The following KIAA1549L variants were observed in gnomAD, a reference collection of about 807,000 sequenced individuals.
The protein encoded by KIAA1549L is KIAA1549 like.
A neutral mutation model predicts 160.7 loss-of-function variants in KIAA1549L; 88 were observed. The observed-to-expected ratio is 0.55, with a 90% CI of 0.46 to 0.65. The LOEUF is 0.65. KIAA1549L is among the 30% of genes least tolerant of loss of function. KIAA1549L has a pLI of 0.00. For missense variants in KIAA1549L, 2,258 were observed against 2,437.5 expected (o/e 0.93, Z 1.55); for synonymous variants, 950 against 976.7 (o/e 0.97, Z 0.51).
chr11:33,466,241 C>T (rs1852055440), intron 1 of KIAA1549L, among the ~76,000 whole-genome samples: 1 of 152,114 alleles, frequency 6.6e-6, no homozygotes, highest in Non-Finnish European at 1.5e-5. Flanking sequence ...GGGCTCATAT[C>T]CAGAATCTAC....
intron 1 of KIAA1549L, among the ~76,000 whole-genome samples, chr11:33,478,452 A>C (rs1043272285): frequency 2.0e-5 from 3 of 152,206 alleles, no homozygotes; most frequent in African/African-American, 7.2e-5. Flanking sequence ...AGCTCTGCAG[A>C]GCTGTTATAA....
At chr11:33,654,318 C>T (rs992527948) in intron 17 of KIAA1549L, among the ~76,000 whole-genome samples, 1 of 152,124 alleles carries the variant, frequency 6.6e-6, no homozygotes, top group African/African-American at 2.4e-5. Flanking sequence ...TATTTTTTGT[C>T]TTGTGTCTGG....
intron 1 of KIAA1549L, among the ~76,000 whole-genome samples, chr11:33,538,799 T>C (rs1166374498): frequency 1.3e-5 from 2 of 152,160 alleles, no homozygotes; most frequent in Non-Finnish European, 1.5e-5. Context: ...TATGAACTAT[T>C]CTTCTAGTTA....
intron 16 of KIAA1549L, among the ~76,000 whole-genome samples, chr11:33,644,758 G>A (rs554187811): frequency 1.2e-4 from 18 of 152,368 alleles, no homozygotes; most frequent in African/African-American, 3.1e-4. Flanking sequence ...TCCGCCACAA[G>A]GCAGCAGCCT....
rs1163336071 is a variant in KIAA1549L, at chr11:33,673,079, G to C, written c.*4925G>C. 2 of 152,170 alleles carry C rather than the reference G, an allele frequency of 1.3e-5. No homozygotes were observed. The highest frequency in any genetic ancestry group is 1.3e-4 in the Admixed American group (2 of 15,280). The allele number at this position is 152,170 out of a possible 1,614,324, so 9.4% of individuals were successfully genotyped here. A position where few individuals can be genotyped will look rare whatever the true frequency, so the allele number is the denominator to read the frequency against. On this transcript the variant is annotated 3_prime_UTR_variant, in exon 21 of 21. Coordinates refer to ENST00000658780, the MANE Select transcript of KIAA1549L (RefSeq NM_012194.3). Reference sequence around the variant, plus strand: ...AACTGTTACAGAATCCTAGCCTGTGGTAAATGCTAAAATGTAAGGTGTTTC... The same window carrying C: ...AACTGTTACAGAATCCTAGCCTGTGCTAAATGCTAAAATGTAAGGTGTTTC...
intron 5 of KIAA1549L, 22 bp from the exon 6 acceptor site, chr11:33,552,086 T>C (rs745496285): frequency 1.9e-6 from 3 of 1,613,364 alleles, no homozygotes; most frequent in East Asian, 4.5e-5. Context: ...TAGTGAGCAC[T>C]GATTGACTTC....
rs750316146 is a variant in KIAA1549L, at chr11:33,668,155, C to T, written c.*1C>T. On this transcript the variant is annotated 3_prime_UTR_variant, in exon 21 of 21. Transcript: ENST00000658780. ...AGACATGTTTGAGTTCCAGGTCTAA[C>T]GCCTTAGCCCCGTGGGACTCTGGAC... The T allele has an allele frequency of 3.3e-5, 53 of 1,611,182 alleles. No homozygotes were observed. Among genetic ancestry groups the T allele is most frequent in the South Asian group, 1.3e-4 (12 of 90,506 alleles).
At chr11:33,457,562 G>A (rs1033760689) in intron 1 of KIAA1549L, among the ~76,000 whole-genome samples, 1 of 152,150 alleles carries the variant, frequency 6.6e-6, no homozygotes, top group African/African-American at 2.4e-5. Flanking sequence ...ATGTGGCCAC[G>A]GCCCACAAGT....
Position 33,674,042 on chromosome 11 carries a change from T to C in KIAA1549L, c.*5888T>C, listed in dbSNP as rs549610006. On this transcript the variant is annotated 3_prime_UTR_variant, in exon 21 of 21. Transcript: ENST00000658780. ...TTAGCCTCTGCCGGGAACAGAGTGT[T>C]CATATGCTGTTAGAATTTTTTATTG... 6.6e-6 allele frequency: 1 copy of C among 152,346 alleles called. No individual in the cohort carries two copies. The highest frequency in any genetic ancestry group is 2.1e-4 in the South Asian group (1 of 4,830). 9.4% of individuals were successfully genotyped at this position (152,346 alleles called of 1,614,324 possible). A position where few individuals can be genotyped will look rare whatever the true frequency, so the allele number is the denominator to read the frequency against.
intron 1 of KIAA1549L, among the ~76,000 whole-genome samples, chr11:33,408,487 G>GTA (rs1168884067): frequency 9.3e-6 from 1 of 107,086 alleles, no homozygotes; most frequent in Non-Finnish European, 1.8e-5. Flanking sequence ...CTCTGTATAT[G>GTA]TGTATATATA....
At chr11:33,560,617 C>T (rs1474388954) in intron 7 of KIAA1549L, among the ~76,000 whole-genome samples, 1 of 152,178 alleles carries the variant, frequency 6.6e-6, no homozygotes, top group African/African-American at 2.4e-5. Flanking sequence ...CAGCAGGTTA[C>T]ATTTTGTATC....
intron 1 of KIAA1549L, among the ~76,000 whole-genome samples, chr11:33,536,555 A>C (rs1020946609): frequency 6.6e-6 from 1 of 152,194 alleles, no homozygotes; most frequent in Non-Finnish European, 1.5e-5. Context: ...ACCAAGCTAA[A>C]GTGGCTTGGC....
At chr11:33,566,859 T>TA (rs1262726386) in intron 8 of KIAA1549L, among the ~76,000 whole-genome samples, 1 of 152,226 alleles carries the variant, frequency 6.6e-6, no homozygotes, top group Non-Finnish European at 1.5e-5. Flanking sequence ...CAAACTCTAT[T>TA]AATAATGGAA....
rs1554981526 is a variant in KIAA1549L, at chr11:33,477,520, A to ACACAC, written c.239-64282_239-64281insCACAC. Among the ~76,000 whole-genome samples, 1,261 of 146,988 alleles carry ACACAC rather than the reference A, an allele frequency of 8.6e-3. 26 individuals are homozygous for ACACAC. The highest frequency in any genetic ancestry group is 0.03 in the African/African-American group (1,199 of 40,070). The stretch of plus-strand genomic sequence containing the variant: ...ACGCAGGTGCACGCACACACACACA[A>ACACAC]ACACACACACACACACACACACGAC... On this transcript the variant is annotated intron_variant, in intron 1 of 20. Coordinates refer to ENST00000658780, the MANE Select transcript of KIAA1549L (RefSeq NM_012194.3).
intron 15 of KIAA1549L, among the ~76,000 whole-genome samples, chr11:33,615,605 G>A (rs1850787576): frequency 6.6e-6 from 1 of 152,090 alleles, no homozygotes; most frequent in Non-Finnish European, 1.5e-5. Context: ...ATGTTAAACA[G>A]CAGCCTTTAA....
At chr11:33,667,637 G>A (rs781177122) in intron 20 of KIAA1549L, among the ~76,000 whole-genome samples, 10 of 152,100 alleles carry the variant, frequency 6.6e-5, no homozygotes, top group Non-Finnish European at 1.3e-4. Context: ...CTCATGAGCC[G>A]TCCACCTCGG....
At chr11:33,446,922 T>C (rs187548794) in intron 1 of KIAA1549L, among the ~76,000 whole-genome samples, 11 of 152,268 alleles carry the variant, frequency 7.2e-5, no homozygotes, top group Admixed American at 6.5e-4. Flanking sequence ...AGCTCAGCCC[T>C]CTTTCAATAG....
At chr11:33,615,009 T>G (rs1216237890) in intron 15 of KIAA1549L, among the ~76,000 whole-genome samples, 1 of 152,090 alleles carries the variant, frequency 6.6e-6, no homozygotes, top group Non-Finnish European at 1.5e-5. Context: ...TCCCACACTT[T>G]TCCAGTGGGC....
At chr11:33,550,046 A>C (rs1040704241) in intron 4 of KIAA1549L, among the ~76,000 whole-genome samples, 19 of 151,908 alleles carry the variant, frequency 1.3e-4, no homozygotes, top group Non-Finnish European at 2.1e-4. Context: ...AAGAAACAAA[A>C]AAAAAAAACA....
Sources: allele counts gnomAD v4.1 joint callset (sites outside exome capture counted in the v4.1 genomes callset), GRCh38; gene constraint gnomAD v4.1.1; transcripts MANE v1.5; gene names NCBI Gene and HGNC (gene_info 2026-07-23, HGNC 2026-07-21).